HNRNPH3: variants seen among roughly 807,000 people sequenced by gnomAD.
HNRNPH3 encodes the protein heterogeneous nuclear ribonucleoprotein 2H9.
Under a neutral mutation model 47.0 loss-of-function variants are expected in HNRNPH3, and 7 were observed. That is an observed-to-expected ratio of 0.15 (90% CI 0.08 to 0.28). The LOEUF (loss-of-function observed/expected upper bound fraction) is 0.28, where lower values mean the gene tolerates loss of function less well. Among genes scored for constraint, HNRNPH3 ranks in the 10% least tolerant of loss-of-function variants. HNRNPH3 has a pLI of 1.00. For missense variants in HNRNPH3, 279 were observed against 449.6 expected, an observed-to-expected ratio of 0.62 and a Z score of 3.43; for synonymous variants, 120 against 143.2, an observed-to-expected ratio of 0.84 and a Z score of 1.16.
intron 8 of HNRNPH3, 36 bp from the exon 9 acceptor site, chr10:68,341,723 A>C (rs750725203): frequency 1.1e-5 from 17 of 1,580,812 alleles, no homozygotes; most frequent in African/African-American, 2.7e-5. Context: ...CTGCTTATCG[A>C]TGAGTCTCAA....
At chr10:68,334,624 A>C (rs2045436405) in intron 1 of HNRNPH3, among the ~76,000 whole-genome samples, 1 of 152,224 alleles carries the variant, frequency 6.6e-6, no homozygotes, top group East Asian at 1.9e-4. Context: ...CATGAATAGA[A>C]ATGGAATCAT....
At position 68,341,789 on chromosome 10, in the gene HNRNPH3, G is replaced by A. The variant is rs2045970818; in HGVS notation, c.902G>A (p.Arg301Lys). Residue 301 changes from arginine to lysine, a missense_variant, in exon 9 of 10, where the codon AGA becomes AAA. By Grantham distance (26) the Arg-to-Lys change is conservative. Around this residue, in one of 2 missense-constraint regions of HNRNPH3, gnomAD observed 239 missense variants for 335.8 expected, o/e 0.71. Coordinates refer to ENST00000265866, the MANE Select transcript of HNRNPH3 (RefSeq NM_012207.3). ...DNQGGYGSVG[R>K]MGMGNNYSGG... ...CAGGGAGGCTATGGATCAGTTGGAA[G>A]AATGGGAATGGGGAACAATTACAGT... 6.2e-7 allele frequency: 1 copy of A among 1,609,418 alleles called. No homozygotes were observed. The highest frequency in any genetic ancestry group is 2.2e-5 in the East Asian group (1 of 44,864).
At chr10:68,339,878 A>G (rs1358119243) in intron 6 of HNRNPH3, among the ~76,000 whole-genome samples, 7 of 152,016 alleles carry the variant, frequency 4.6e-5, no homozygotes, top group Non-Finnish European at 1.0e-4. Flanking sequence ...TCACTGATGG[A>G]TATTTTTGTA....
At chr10:68,338,889 T>A (rs1162760) in intron 4 of HNRNPH3, 420,983 of 514,930 alleles carry the variant, frequency 0.82, 173,617 homozygotes, top group East Asian at 0.87. Context: ...GAAATTAAAA[T>A]TAAGATGTTG....
At chr10:68,338,361 A>G (rs1221416434) in intron 3 of HNRNPH3, 142 bp from the exon 4 acceptor site, 3 of 512,678 alleles carry the variant, frequency 5.9e-6, no homozygotes, top group African/African-American at 5.8e-5. Flanking sequence ...TGTAGGTTTA[A>G]ACTGTTAACT....
chr10:68,336,126 C>T (rs1268630736), intron 1 of HNRNPH3, among the ~76,000 whole-genome samples: 3 of 152,154 alleles, frequency 2.0e-5, no homozygotes, highest in South Asian at 4.1e-4. Flanking sequence ...GCTGTTGATA[C>T]GAAATATGAT....
In HNRNPH3 at chr10:68,337,272, A is replaced by T. The variant is rs2045592824; in HGVS notation, c.51A>T (p.Thr17=). ...GTCCAAATGACGCTAGTGATGGGACAGTACGACTTCGTGGACTACCATTTG... is the reference window on the plus strand; with the variant it reads ...GTCCAAATGACGCTAGTGATGGGACTGTACGACTTCGTGGACTACCATTTG... ...HNGPNDASDG[T]VRLRGLPFGC... Residue 17 remains threonine (T), a synonymous_variant, in exon 2 of 10, where the codon ACA becomes ACT. Coordinates refer to ENST00000265866, the MANE Select transcript of HNRNPH3 (RefSeq NM_012207.3). This position sits in a 1 kb window ranked among gnomAD's most constrained non-coding sequence, Gnocchi z 4.5. The T allele has an allele frequency of 6.2e-7, 1 of 1,613,634 alleles. No homozygotes were observed. The highest frequency in any genetic ancestry group is 1.3e-5 in the African/African-American group (1 of 74,950).
chr10:68,339,343 A>C (rs2045714506), intron 5 of HNRNPH3, 97 bp from the exon 6 acceptor site: 2 of 1,523,588 alleles, frequency 1.3e-6, no homozygotes, highest in Non-Finnish European at 1.8e-6. Context: ...ATTTCAGTGC[A>C]TTCCTATATA....
chr10:68,333,721 G>C (rs1169058601), intron 1 of HNRNPH3, among the ~76,000 whole-genome samples: 1 of 152,160 alleles, frequency 6.6e-6, no homozygotes, highest in Non-Finnish European at 1.5e-5. Flanking sequence ...GAGGAGAAAG[G>C]CCTGAGAGTA....
At chr10:68,335,820 G>A (rs975355478) in intron 1 of HNRNPH3, among the ~76,000 whole-genome samples, 3 of 152,208 alleles carry the variant, frequency 2.0e-5, no homozygotes, top group Non-Finnish European at 4.4e-5. Flanking sequence ...CAGGTAGCCA[G>A]TGAGTGGCAG....
intron 1 of HNRNPH3, among the ~76,000 whole-genome samples, chr10:68,334,582 G>A (rs1433307789): frequency 1.3e-5 from 2 of 152,056 alleles, no homozygotes; most frequent in Non-Finnish European, 2.9e-5. Flanking sequence ...TCCCATTGCT[G>A]GCATCCTCCC....
upstream of HNRNPH3, chr10:68,332,055 C>T: frequency 6.5e-6 from 1 of 152,844 alleles, no homozygotes; most frequent in Non-Finnish European, 1.5e-5. Flanking sequence ...CCTCCCATCC[C>T]CCCAAGCCAG....
At chr10:68,338,456 C>A in intron 3 of HNRNPH3, 47 bp from the exon 4 acceptor site, 1 of 1,270,008 alleles carries the variant, frequency 7.9e-7, no homozygotes, top group Non-Finnish European at 1.1e-6. Flanking sequence ...CTAATTTACA[C>A]TAATACATTT....
intron 1 of HNRNPH3, among the ~76,000 whole-genome samples, chr10:68,334,362 TAA>T (rs1309864679): frequency 2.6e-5 from 4 of 152,246 alleles, no homozygotes; most frequent in African/African-American, 7.2e-5. Context: ...GCCTCCGTGT[TAA>T]GAGGATTCTC....
intron 6 of HNRNPH3, among the ~76,000 whole-genome samples, chr10:68,340,494 C>G (rs1270095820): frequency 2.6e-5 from 4 of 152,204 alleles, no homozygotes; most frequent in African/African-American, 9.6e-5. Flanking sequence ...GGTCAGCAAA[C>G]TTCAGTCCAT....
At position 68,341,158 on chromosome 10, in the gene HNRNPH3, GT is replaced by G. The variant is rs780934998; in HGVS notation, c.640-13del. The stretch of plus-strand genomic sequence containing the variant: ...ATTCTCAATAGAAAAGTAAATAAGT[GT>G]TTCCTTTTATTTAGTTCTTCTCACC... On this transcript the variant is annotated splice_polypyrimidine_tract_variant and intron_variant, in intron 6 of 9. Transcript: ENST00000265866. The G allele has an allele frequency of 1.3e-6, 2 of 1,516,482 alleles. No individual in the cohort carries two copies. Among genetic ancestry groups the G allele is most frequent in the Admixed American group, 2.4e-5 (1 of 42,358 alleles). The allele number at this position is 1,516,482 out of a possible 1,614,324, so 93.9% of individuals were successfully genotyped here.
intron 6 of HNRNPH3, among the ~76,000 whole-genome samples, chr10:68,340,831 C>T (rs2045876307): frequency 6.6e-6 from 1 of 151,354 alleles, no homozygotes; most frequent in Admixed American, 6.6e-5. Flanking sequence ...GACAGTCTCC[C>T]ACTCTGTCTC....
chr10:68,334,033 G>C (rs1399681466), intron 1 of HNRNPH3, among the ~76,000 whole-genome samples: 1 of 152,018 alleles, frequency 6.6e-6, no homozygotes, highest in African/African-American at 2.4e-5. Flanking sequence ...CCATCTAATT[G>C]CCTTTTTAAA....
intron 1 of HNRNPH3, chr10:68,336,683 T>C (rs2045561397): frequency 1.3e-5 from 2 of 152,348 alleles, no homozygotes; most frequent in Non-Finnish European, 2.9e-5. Flanking sequence ...TTCAAAATTG[T>C]AGTGCATTTA....
Sources: allele counts gnomAD v4.1 joint callset (sites outside exome capture counted in the v4.1 genomes callset), GRCh38; gene constraint gnomAD v4.1.1; regional missense constraint gnomAD v4.1.1; non-coding constraint Gnocchi (gnomAD v3.1); transcripts MANE v1.5; gene names NCBI Gene and HGNC (gene_info 2026-07-23, HGNC 2026-07-21).